Variants in CSMD1 observed in about 807,000 individuals in gnomAD.
CSMD1 encodes CUB and Sushi multiple domains 1, also known as CUB and sushi domain-containing protein 1.
CSMD1 carries 213 observed loss-of-function variants against 417.5 expected under a neutral mutation model. The observed-to-expected ratio is 0.51, with a 90% CI of 0.46 to 0.57. The LOEUF (loss-of-function observed/expected upper bound fraction) is 0.57, where lower values mean the gene tolerates loss of function less well. Ranked by LOEUF, CSMD1 falls within the 20% of genes least tolerant of loss-of-function variation. The probability of loss-of-function intolerance (pLI) is 0.00; values close to 1 mark genes in which losing one functional copy is unlikely to be tolerated. For missense variants in CSMD1, 6,923 were observed against 4,529.7 expected (o/e 1.53, Z -15.17); for synonymous variants, 2,862 against 1,736.8 (o/e 1.65, Z -16.11).
intron 50 of CSMD1, among the ~76,000 whole-genome samples, chr8:3,032,136 T>C (rs565963130): frequency 4.3e-4 from 66 of 152,056 alleles, no homozygotes; most frequent in African/African-American, 1.6e-3. Flanking sequence ...TAAATATTAA[T>C]ATTAAAGTCC....
At chr8:3,182,840 A>AGGGGGG (rs746430415) in intron 36 of CSMD1, among the ~76,000 whole-genome samples, 2 of 45,168 alleles carry the variant, frequency 4.4e-5, no homozygotes, top group African/African-American at 9.9e-5. Flanking sequence ...CTTTATAAGA[A>AGGGGGG]GGTGTGTGTG....
chr8:3,450,461 C>T (rs12546675), intron 12 of CSMD1, among the ~76,000 whole-genome samples: 2 of 150,626 alleles, frequency 1.3e-5, no homozygotes, highest in African/African-American at 2.5e-5. Flanking sequence ...TCCCTCCCCC[C>T]TCCCCACACC....
intron 1 of CSMD1, among the ~76,000 whole-genome samples, chr8:4,776,211 A>G (rs1205846193): frequency 6.6e-6 from 1 of 152,148 alleles, no homozygotes; most frequent in African/African-American, 2.4e-5. Flanking sequence ...CACTCTAGGA[A>G]GTATTTTCAC....
At chr8:4,944,015 T>C (rs80263707) in intron 1 of CSMD1, among the ~76,000 whole-genome samples, 317 of 152,118 alleles carry the variant, frequency 2.1e-3, no homozygotes, top group African/African-American at 7.2e-3. Context: ...TAAAAAAGAC[T>C]TGGGAATCAA....
At chr8:3,642,121 AC>A (rs748564492) in intron 7 of CSMD1, among the ~76,000 whole-genome samples, 5 of 152,116 alleles carry the variant, frequency 3.3e-5, no homozygotes, top group Non-Finnish European at 5.9e-5. Flanking sequence ...CAAAATGGAA[AC>A]TGGAAACTCA....
intron 1 of CSMD1, among the ~76,000 whole-genome samples, chr8:4,758,884 G>A (rs1042678917): frequency 1.3e-5 from 2 of 152,146 alleles, no homozygotes; most frequent in Admixed American, 6.5e-5. Flanking sequence ...TTTGGGTGAG[G>A]ACACAAAGCT....
chr8:3,526,952 C>T (rs560585150), intron 10 of CSMD1, among the ~76,000 whole-genome samples: 2 of 152,210 alleles, frequency 1.3e-5, no homozygotes, highest in South Asian at 4.2e-4. Context: ...GTCAATGAGT[C>T]TATGTTGTTG....
At chr8:4,017,761 A>C (rs1478965640) in intron 4 of CSMD1, among the ~76,000 whole-genome samples, 1 of 152,138 alleles carries the variant, frequency 6.6e-6, no homozygotes, top group Non-Finnish European at 1.5e-5. Context: ...GAAACTTCCT[A>C]AATAAATGAA....
rs530382618 is a variant in CSMD1 at position 4,461,658 on chromosome 8, C to T, written c.303-41593G>A. On this transcript the variant is annotated intron_variant, in intron 2 of 69. Transcript: ENST00000635120. ...GTGTACCTCCTGGGCTCAAGCAATC[C>T]TCCCACCTCAGCCTGCTGTATAGCT... Among the ~76,000 whole-genome samples, 8 of 152,016 alleles carry T rather than the reference C, an allele frequency of 5.3e-5. No individual in the cohort carries two copies. In the South Asian group the frequency reaches 1.5e-3, roughly 28 times the overall value.
chr8:3,369,239 A>G lies in CSMD1; in HGVS notation c.2899+15T>C, dbSNP rs371926970. 8.7e-5 allele frequency: 109 copies of G among 1,255,812 alleles called. No homozygotes were observed. The highest frequency in any genetic ancestry group is 1.2e-4 in the Non-Finnish European group (101 of 857,762). The allele number at this position is 1,255,812 out of a possible 1,614,324, so 77.8% of individuals were successfully genotyped here. A position where few individuals can be genotyped will look rare whatever the true frequency, so the allele number is the denominator to read the frequency against. On this transcript the variant is annotated intron_variant, in intron 19 of 69. Coordinates refer to ENST00000635120, the MANE Select transcript of CSMD1 (RefSeq NM_033225.6). The stretch of plus-strand genomic sequence containing the variant: ...TTATTAGTCTGTATGTTTGAGACCT[A>G]TGATAGATTCTTACCTTTCCCATGA...
Position 3,620,866 on chromosome 8 carries a change from G to C in CSMD1, c.1010-4069C>G, listed in dbSNP as rs1365844360. ...TTGATTTAACGCCCTGTTTTAGGCTGAATTATGTCCCTCCTCCCCGCAAAG... is the reference window on the plus strand; with the variant it reads ...TTGATTTAACGCCCTGTTTTAGGCTCAATTATGTCCCTCCTCCCCGCAAAG... On this transcript the variant is annotated intron_variant, in intron 7 of 69. Coordinates refer to ENST00000635120, the MANE Select transcript of CSMD1 (RefSeq NM_033225.6). Among the ~76,000 whole-genome samples the C allele has an allele frequency of 4.6e-5, 7 of 152,214 alleles. No individual in the cohort carries two copies. In the South Asian group the frequency reaches 1.5e-3, roughly 32 times the overall value.
chr8:4,183,868 GT>G (rs1198352585), intron 3 of CSMD1, among the ~76,000 whole-genome samples: 3 of 152,248 alleles, frequency 2.0e-5, no homozygotes, highest in Admixed American at 2.0e-4. Context: ...CACTCAGTGA[GT>G]TTTTTAGTTG....
chr8:4,185,856 C>T (rs972500912), intron 3 of CSMD1, among the ~76,000 whole-genome samples: 25 of 152,226 alleles, frequency 1.6e-4, no homozygotes, highest in African/African-American at 4.3e-4. Context: ...ACAGAGCAAC[C>T]GTTCTTGTAG....
chr8:3,945,421 T>C (rs978380998), intron 5 of CSMD1, among the ~76,000 whole-genome samples: 1 of 152,060 alleles, frequency 6.6e-6, no homozygotes, highest in Non-Finnish European at 1.5e-5. Flanking sequence ...GGGGGGCATA[T>C]TACAAATAAC....
chr8:3,497,727 T>C (rs755735962), intron 10 of CSMD1, among the ~76,000 whole-genome samples: 12 of 152,222 alleles, frequency 7.9e-5, no homozygotes, highest in Non-Finnish European at 1.6e-4. Flanking sequence ...TGCACTTAGA[T>C]ATTGCTTTTT....
intron 5 of CSMD1, among the ~76,000 whole-genome samples, chr8:3,837,847 C>T (rs1272099424): frequency 1.3e-5 from 2 of 152,110 alleles, no homozygotes; most frequent in East Asian, 3.9e-4. Flanking sequence ...AATTCTATTG[C>T]CACAGCTTCA....
At chr8:3,989,730 A>G (rs888721234) in intron 5 of CSMD1, among the ~76,000 whole-genome samples, 6 of 152,366 alleles carry the variant, frequency 3.9e-5, no homozygotes, top group East Asian at 1.9e-4. Flanking sequence ...TGTATTTACT[A>G]AAGTCATAGG....
In CSMD1 at chr8:3,959,874, G is replaced by A. The variant is rs1254231066; in HGVS notation, c.818+38029C>T. On this transcript the variant is annotated intron_variant, in intron 5 of 69. Coordinates refer to ENST00000635120, the MANE Select transcript of CSMD1 (RefSeq NM_033225.6). ...TTCTATATTGTGAGGTATATAACGT[G>A]TGATCTGCCTTCATTCCTTTTATTA... Among the ~76,000 whole-genome samples the A allele has an allele frequency of 2.0e-5, 3 of 152,220 alleles. No homozygotes were observed. The East Asian group carries it at 5.8e-4, about 29-fold the overall frequency.
intron 30 of CSMD1, 49 bp from the exon 31 acceptor site, chr8:3,205,669 G>A (rs764526083): frequency 1.2e-6 from 1 of 855,632 alleles, no homozygotes; most frequent in South Asian, 1.6e-5. Flanking sequence ...TAATAGCGCA[G>A]GTGATAGGTG....
Sources: allele counts gnomAD v4.1 joint callset (sites outside exome capture counted in the v4.1 genomes callset), GRCh38; gene constraint gnomAD v4.1.1; transcripts MANE v1.5; gene names NCBI Gene and HGNC (gene_info 2026-07-23, HGNC 2026-07-21).